TEX9: variants seen among roughly 807,000 people sequenced by gnomAD.
TEX9 encodes the protein testis expressed 9.
Under a neutral mutation model 59.6 loss-of-function variants are expected in TEX9, and 74 were observed. That is an observed-to-expected ratio of 1.24 (90% CI 1.03 to 1.51). The LOEUF (loss-of-function observed/expected upper bound fraction) is 1.51, where lower values mean the gene tolerates loss of function less well. TEX9 is among the 40% of genes most tolerant of loss of function. The pLI is 0.00. For missense variants in TEX9, 522 were observed against 447.8 expected (o/e 1.17, Z -1.49); for synonymous variants, 186 against 152.2 (o/e 1.22, Z -1.64).
chr15:56,313,167 A>C (rs1426947689), intron 1 of TEX9, among the ~76,000 whole-genome samples: 35 of 151,470 alleles, frequency 2.3e-4, no homozygotes, highest in Non-Finnish European at 3.4e-4. Context: ...CCCTGGCCAG[A>C]ACTTCCAACA....
At chr15:56,431,603 T>C in intron 12 of TEX9, 1 of 1,040,094 alleles carries the variant, frequency 9.6e-7, no homozygotes, top group East Asian at 2.7e-5. Flanking sequence ...TGATGAACTA[T>C]TTATGACACT....
At chr15:56,299,245 G>C (rs1164071791) in intron 1 of TEX9, among the ~76,000 whole-genome samples, 2 of 152,210 alleles carry the variant, frequency 1.3e-5, no homozygotes, top group Admixed American at 1.3e-4. Flanking sequence ...CATAGTGGTT[G>C]TAGAACTTTG....
At chr15:56,299,780 C>T (rs184676749) in intron 1 of TEX9, among the ~76,000 whole-genome samples, 1 of 152,232 alleles carries the variant, frequency 6.6e-6, no homozygotes, top group Non-Finnish European at 1.5e-5. Context: ...CTAGACACGC[C>T]CTGAGCCAGA....
chr15:56,330,602 C>T (rs1213128356), intron 1 of TEX9, among the ~76,000 whole-genome samples: 2 of 151,992 alleles, frequency 1.3e-5, no homozygotes, highest in African/African-American at 4.8e-5. Flanking sequence ...TTATTATCAG[C>T]TTAAAATAAT....
chr15:56,408,642 C>CT (rs36183665), intron 9 of TEX9: 141,492 of 152,300 alleles, frequency 0.93, 65,809 homozygotes, highest in African/African-American at 0.98. Flanking sequence ...AGCAAACCTG[C>CT]TCTCTTCCTT....
intron 3 of TEX9, among the ~76,000 whole-genome samples, chr15:56,376,863 T>C (rs1216713160): frequency 6.6e-6 from 1 of 152,184 alleles, no homozygotes; most frequent in Non-Finnish European, 1.5e-5. Context: ...AATGTTTTCT[T>C]ATAGTAATTT....
At chr15:56,252,343 C>T (rs962634326) in intron 1 of TEX9, among the ~76,000 whole-genome samples, 7 of 144,454 alleles carry the variant, frequency 4.8e-5, no homozygotes, top group Non-Finnish European at 7.5e-5. Flanking sequence ...AGTAGCCAAA[C>T]AATGAATGTT....
chr15:56,387,869 A>G (rs1227701135), intron 4 of TEX9, among the ~76,000 whole-genome samples: 1 of 151,972 alleles, frequency 6.6e-6, no homozygotes, highest in Admixed American at 6.6e-5. Flanking sequence ...GACCTCCATA[A>G]ACACTCCTTG....
chr15:56,254,249 TA>T (rs2044094097), intron 1 of TEX9, among the ~76,000 whole-genome samples: 1 of 151,958 alleles, frequency 6.6e-6, no homozygotes, highest in Non-Finnish European at 1.5e-5. Context: ...AACTGTGCCG[TA>T]CATTTGGCTC....
intron 9 of TEX9, among the ~76,000 whole-genome samples, chr15:56,406,755 G>GT (rs1428375204): frequency 2.0e-5 from 3 of 152,056 alleles, no homozygotes; most frequent in South Asian, 2.1e-4. Context: ...CTTTTGCGAT[G>GT]TATTTGTTCA....
intron 9 of TEX9, among the ~76,000 whole-genome samples, chr15:56,403,350 C>G (rs990138227): frequency 6.6e-6 from 1 of 151,464 alleles, no homozygotes; most frequent in East Asian, 1.9e-4. Context: ...AACAGACACA[C>G]AGCCAAATCA....
intron 3 of TEX9, among the ~76,000 whole-genome samples, chr15:56,376,111 A>AC (rs2047440560): frequency 6.7e-6 from 1 of 149,606 alleles, no homozygotes; most frequent in Non-Finnish European, 1.5e-5. Flanking sequence ...TAGGAGATAT[A>AC]CCTAATGCTA....
downstream of TEX9, chr15:56,446,829 A>T: frequency 1.9e-6 from 3 of 1,577,140 alleles, no homozygotes; most frequent in Non-Finnish European, 2.6e-6. Flanking sequence ...TAATGACCAG[A>T]AACATGATTA....
chr15:56,427,390 A>T (rs900240929), intron 10 of TEX9, among the ~76,000 whole-genome samples: 3 of 152,140 alleles, frequency 2.0e-5, no homozygotes, highest in Non-Finnish European at 1.5e-5. Flanking sequence ...GAACTGAGTT[A>T]TTTTAAAAAC....
intron 1 of TEX9, among the ~76,000 whole-genome samples, chr15:56,266,694 T>C (rs1179219700): frequency 6.6e-6 from 1 of 152,234 alleles, no homozygotes; most frequent in Non-Finnish European, 1.5e-5. Context: ...CCATGGTGTA[T>C]GTGTGCCATA....
intron 2 of TEX9, among the ~76,000 whole-genome samples, chr15:56,368,873 T>G (rs945047545): frequency 6.6e-6 from 1 of 152,168 alleles, no homozygotes; most frequent in African/African-American, 2.4e-5. Flanking sequence ...GTTTTCTTGC[T>G]AATCTGTGCT....
chr15:56,300,284 G>A (rs1221959524), intron 1 of TEX9, among the ~76,000 whole-genome samples: 3 of 151,630 alleles, frequency 2.0e-5, no homozygotes, highest in Non-Finnish European at 2.9e-5. Flanking sequence ...TCTACTTGAG[G>A]GAAGGAGAGG....
chr15:56,257,643 T>C (rs898795007), intron 1 of TEX9, among the ~76,000 whole-genome samples: 6 of 152,062 alleles, frequency 3.9e-5, no homozygotes, highest in African/African-American at 1.4e-4. Context: ...AATCGGGTTG[T>C]TTTTTCTTGT....
intron 1 of TEX9, among the ~76,000 whole-genome samples, chr15:56,265,116 A>G (rs1026225306): frequency 3.3e-5 from 5 of 150,532 alleles, no homozygotes; most frequent in Admixed American, 2.0e-4. Context: ...TTCTTGAGAT[A>G]AAAGCTCAGA....
Sources: gnomAD v4.1 joint callset for allele counts (sites outside exome capture counted in the v4.1 genomes callset) on GRCh38, gnomAD v4.1.1 for gene constraint, MANE v1.5 for transcripts, NCBI Gene and HGNC (gene_info 2026-07-23, HGNC 2026-07-21) for gene names.